PRR14L: variants seen among roughly 807,000 people sequenced by gnomAD.
PRR14L encodes the protein proline rich 14 like, also known as protein PRR14L.
In PRR14L, 80 loss-of-function variants were observed where a neutral mutation model predicts 155.0. The ratio of observed to expected loss-of-function variants is 0.52; its 90% confidence interval spans 0.43 to 0.62. The LOEUF (loss-of-function observed/expected upper bound fraction) is 0.62. PRR14L is among the 20% of genes least tolerant of loss of function. PRR14L has a pLI of 0.00. For missense variants in PRR14L, 2,469 were observed against 2,548.0 expected (o/e 0.97, Z 0.67); for synonymous variants, 883 against 916.0 (o/e 0.96, Z 0.65).
At chr22:31,725,872 T>C (rs1395874843) in intron 2 of PRR14L, among the ~76,000 whole-genome samples, 1 of 152,042 alleles carries the variant, frequency 6.6e-6, no homozygotes, top group Non-Finnish European at 1.5e-5. Flanking sequence ...TTTCACCATG[T>C]TGGCCAGGCT....
At position 31,714,952 on chromosome 22, in the gene PRR14L, C is replaced by A. The variant is rs9619227; in HGVS notation, c.2887G>T (p.Asp963Tyr). Residue 963 changes from aspartate (D) to tyrosine (Y), a missense_variant, in exon 4 of 9, where the codon GAT (aspartate) becomes TAT (tyrosine). This residue lies in a region of PRR14L where 2,363 missense variants were observed against 2,371.6 expected (regional missense o/e 1.00). Transcript: ENST00000327423. ...TCAAGGACTTCATCTGCCTTCTGAT[C>A]GAGTGTTTCAACTGATTTTACATTT... ...FKNVKSVETL[D>Y]QKADEVLDCQ... 3 of 1,551,990 alleles carry A rather than the reference C, an allele frequency of 1.9e-6. No individual in the cohort carries two copies. The highest frequency in any genetic ancestry group is 1.7e-6 in the Non-Finnish European group (2 of 1,147,034).
Position 31,717,188 on chromosome 22 carries a change from A to G in PRR14L, c.651T>C (p.Asn217=). 2 of 1,552,244 alleles carry G rather than the reference A, an allele frequency of 1.3e-6. No individual in the cohort carries two copies. The highest frequency in any genetic ancestry group is 1.2e-5 in the South Asian group (1 of 84,060). ...CTGAGAGATCTTTACTCACATTGCC[A>G]TTTTTGTGTCCTTCATTATTATCCG... The part of the protein sequence containing the change: ...TKTDNNEGHK[N]GNVSKDLSAG... Residue 217 remains asparagine (N), a synonymous_variant, in exon 4 of 9, where the codon AAT becomes AAC. Coordinates refer to ENST00000327423, the MANE Select transcript of PRR14L (RefSeq NM_173566.3).
intron 3 of PRR14L, among the ~76,000 whole-genome samples, chr22:31,720,458 C>T (rs886456117): frequency 1.2e-4 from 18 of 152,148 alleles, no homozygotes; most frequent in Non-Finnish European, 2.6e-4. Flanking sequence ...CACAGCTGGG[C>T]GTGGTGGCTC....
chr22:31,719,405 C>A (rs1194091360), intron 3 of PRR14L, among the ~76,000 whole-genome samples: 5 of 151,148 alleles, frequency 3.3e-5, no homozygotes, highest in South Asian at 4.2e-4. Flanking sequence ...GAGTAAGCGA[C>A]CTTGTCTCAA....
chr22:31,725,202 C>G (rs905350028), intron 3 of PRR14L, among the ~76,000 whole-genome samples: 1 of 152,034 alleles, frequency 6.6e-6, no homozygotes, highest in East Asian at 1.9e-4. Flanking sequence ...CGAGACCAGC[C>G]TAGGCAACAT....
At chr22:31,686,145 C>G (rs550310719) in intron 8 of PRR14L, among the ~76,000 whole-genome samples, 1 of 151,510 alleles carries the variant, frequency 6.6e-6, no homozygotes, top group East Asian at 1.9e-4. Context: ...GTCACCCAGG[C>G]TGGAGTGCAG....
intron 4 of PRR14L, among the ~76,000 whole-genome samples, chr22:31,710,157 G>A (rs2074613533): frequency 6.6e-6 from 1 of 151,728 alleles, no homozygotes; most frequent in Admixed American, 6.6e-5. Context: ...TCCCAGGCTG[G>A]TCTCAAACTC....
chr22:31,694,216 G>A (rs2074524038), intron 7 of PRR14L, among the ~76,000 whole-genome samples: 1 of 152,204 alleles, frequency 6.6e-6, no homozygotes, highest in Non-Finnish European at 1.5e-5. Context: ...GGCAGAGGTT[G>A]CGATGAGCCA....
intron 7 of PRR14L, among the ~76,000 whole-genome samples, chr22:31,699,532 G>A (rs996270683): frequency 2.0e-5 from 3 of 152,174 alleles, no homozygotes; most frequent in African/African-American, 7.2e-5. Context: ...TAAGTATAAT[G>A]CAAATATTCC....
At chr22:31,719,977 C>T (rs548748323) in intron 3 of PRR14L, among the ~76,000 whole-genome samples, 40 of 152,234 alleles carry the variant, frequency 2.6e-4, no homozygotes, top group African/African-American at 9.6e-4. Flanking sequence ...CTCAAGCAAT[C>T]CTCCCGCCTC....
intron 2 of PRR14L, among the ~76,000 whole-genome samples, chr22:31,734,291 T>C (rs131252): frequency 0.12 from 17,559 of 152,160 alleles, 1,156 homozygotes; most frequent in African/African-American, 0.17. Context: ...CATTTTTCTA[T>C]TGGGTTTGGT....
intron 4 of PRR14L, among the ~76,000 whole-genome samples, chr22:31,710,906 T>C (rs1273810747): frequency 6.6e-6 from 1 of 152,198 alleles, no homozygotes; most frequent in Non-Finnish European, 1.5e-5. Context: ...CACTTTAAGT[T>C]CTATAAACCC....
intron 1 of PRR14L, among the ~76,000 whole-genome samples, chr22:31,747,169 A>G (rs945254833): frequency 1.4e-5 from 2 of 146,088 alleles, no homozygotes; most frequent in Admixed American, 6.9e-5. Flanking sequence ...GGAGTGCAAC[A>G]GCATGATCTC....
chr22:31,740,289 G>A (rs1329561725), intron 1 of PRR14L, among the ~76,000 whole-genome samples: 1 of 151,982 alleles, frequency 6.6e-6, no homozygotes, highest in Non-Finnish European at 1.5e-5. Flanking sequence ...GCATAATCTT[G>A]GCTCACTGCA....
At chr22:31,689,321 CA>C (rs1314572294) in intron 7 of PRR14L, among the ~76,000 whole-genome samples, 1 of 151,932 alleles carries the variant, frequency 6.6e-6, no homozygotes, top group East Asian at 1.9e-4. Flanking sequence ...TGTCTCTATA[CA>C]AAATTAAAAA....
intron 3 of PRR14L, among the ~76,000 whole-genome samples, chr22:31,725,268 T>C (rs1462280869): frequency 2.0e-5 from 3 of 152,006 alleles, no homozygotes; most frequent in African/African-American, 7.2e-5. Flanking sequence ...CAGTCAGGCA[T>C]GGTGGGTCAC....
Position 31,715,074 on chromosome 22 carries a change from G to A in PRR14L, c.2765C>T (p.Ser922Phe), listed in dbSNP as rs770161725. ...GTTTAGTTCTTGTATAGCATGATCA[G>A]AGATGTTATACTTACAAAATACAGT... ...KETVFCKYNISDHAIQELNQT... is the reference protein window; with the variant it reads ...KETVFCKYNIFDHAIQELNQT... Residue 922 changes from serine (S) to phenylalanine (F), a missense_variant, in exon 4 of 9, where the codon TCT becomes TTT. Physicochemically the swap from Ser to Phe is radical, Grantham distance 155 (BLOSUM62 -2). Transcript: ENST00000327423. The A allele has an allele frequency of 1.8e-4, 275 of 1,551,252 alleles. 1 individual carries two copies. Among genetic ancestry groups the A allele is most frequent in the Non-Finnish European group, 2.3e-4 (260 of 1,146,570 alleles).
chr22:31,714,763 G>T lies in PRR14L; in HGVS notation c.3076C>A (p.Pro1026Thr). 1.3e-6 allele frequency: 2 copies of T among 1,552,340 alleles called. No individual in the cohort carries two copies. Among genetic ancestry groups the T allele is most frequent in the Non-Finnish European group, 1.7e-6 (2 of 1,147,140 alleles). Reference protein sequence around the residue: ...LVSSGSNNSLPCGSPKKCNLK... With the variant: ...LVSSGSNNSLTCGSPKKCNLK... ...TTGCATTTCTTTGGACTACCACAAG[G>T]TAGTGAGTTATTACTGCCTGAGCTG... The change falls in exon 4 of 9, where the codon CCT (proline) becomes ACT (threonine). Residue 1026 changes from proline to threonine, a missense_variant. This residue lies in a region of PRR14L where 2,363 missense variants were observed against 2,371.6 expected (regional missense o/e 1.00). Coordinates refer to ENST00000327423, the MANE Select transcript of PRR14L (RefSeq NM_173566.3).
At chr22:31,685,838 T>C in intron 8 of PRR14L, 35 bp from the exon 9 acceptor site, 1 of 1,539,274 alleles carries the variant, frequency 6.5e-7, no homozygotes, top group African/African-American at 1.4e-5. Context: ...ACCAACAGAC[T>C]GACTCACATG....
Sources: allele counts gnomAD v4.1 joint callset (sites outside exome capture counted in the v4.1 genomes callset), GRCh38; gene constraint gnomAD v4.1.1; regional missense constraint gnomAD v4.1.1; transcripts MANE v1.5; gene names NCBI Gene and HGNC (gene_info 2026-07-23, HGNC 2026-07-21).